UNC5C: variants seen among roughly 807,000 people sequenced by gnomAD.
UNC5C encodes unc-5 netrin receptor C, also known as netrin receptor UNC5C.
In UNC5C, 47 loss-of-function variants were observed where a neutral mutation model predicts 99.8. The ratio of observed to expected loss-of-function variants is 0.47; its 90% confidence interval spans 0.37 to 0.60. The LOEUF is 0.60. Ranked by LOEUF, UNC5C falls within the 20% of genes least tolerant of loss-of-function variation. UNC5C has a pLI of 0.00. For synonymous variants in UNC5C, 487 were observed against 452.2 expected, an observed-to-expected ratio of 1.08 and a Z score of -0.98; for missense variants, 1,062 against 1,165.9, an observed-to-expected ratio of 0.91 and a Z score of 1.30.
chr4:95,532,169 C>T (rs1722663060), intron 1 of UNC5C, among the ~76,000 whole-genome samples: 1 of 152,044 alleles, frequency 6.6e-6, no homozygotes, highest in South Asian at 2.1e-4. Flanking sequence ...GTTAATAGTC[C>T]CAAATCACAG....
chr4:95,187,790 A>C (rs563992193), intron 12 of UNC5C, among the ~76,000 whole-genome samples: 1 of 152,304 alleles, frequency 6.6e-6, no homozygotes, highest in Admixed American at 6.5e-5. Context: ...CCATAGACTT[A>C]AGCTCGCCAT....
intron 7 of UNC5C, among the ~76,000 whole-genome samples, chr4:95,227,534 G>A (rs1738745824): frequency 6.6e-6 from 1 of 152,136 alleles, no homozygotes; most frequent in Non-Finnish European, 1.5e-5. Flanking sequence ...AAGGAGATTC[G>A]ATATGGAGAA....
intron 7 of UNC5C, among the ~76,000 whole-genome samples, chr4:95,238,352 A>T (rs1399537158): frequency 6.6e-6 from 1 of 152,142 alleles, no homozygotes; most frequent in Admixed American, 6.5e-5. Context: ...TTATGTGTGT[A>T]CTCAAGTCTT....
rs189304881 is a variant in UNC5C, at chr4:95,202,466, G to A, written c.2136+265C>T. 3.9e-5 allele frequency among the ~76,000 whole-genome samples: 6 copies of A among 152,316 alleles called. No individual in the cohort carries two copies. The East Asian group carries it at 7.7e-4, about 20-fold the overall frequency. On this transcript the variant is annotated intron_variant, in intron 12 of 15. Transcript: ENST00000453304. ...AGATTATTTACCATCCACGGGTCTC[G>A]TTGCCAAATTCTTCTAAATTTTTCA...
chr4:95,491,176 T>G (rs1446663892), intron 1 of UNC5C, among the ~76,000 whole-genome samples: 1 of 151,594 alleles, frequency 6.6e-6, no homozygotes, highest in East Asian at 1.9e-4. Flanking sequence ...GAACTTTGCA[T>G]GACACAAGTA....
At chr4:95,253,613 C>A (rs1739838821) in intron 4 of UNC5C, among the ~76,000 whole-genome samples, 1 of 152,134 alleles carries the variant, frequency 6.6e-6, no homozygotes, top group Non-Finnish European at 1.5e-5. Context: ...GTTTTCCATA[C>A]TGGATTTGCT....
intron 1 of UNC5C, among the ~76,000 whole-genome samples, chr4:95,532,908 T>TAAA (rs201644746): frequency 0.014 from 1,952 of 136,810 alleles, 42 homozygotes; most frequent in East Asian, 0.044. Flanking sequence ...TTAGTAAAGC[T>TAAA]AAAAAAAAAA....
chr4:95,216,688 T>A (rs554656105), intron 9 of UNC5C, among the ~76,000 whole-genome samples: 1 of 152,344 alleles, frequency 6.6e-6, no homozygotes, highest in South Asian at 2.1e-4. Flanking sequence ...AGACCTTTTA[T>A]TATACATAAC....
At chr4:95,547,198 G>A (rs1723092879) in intron 1 of UNC5C, among the ~76,000 whole-genome samples, 1 of 152,066 alleles carries the variant, frequency 6.6e-6, no homozygotes, top group South Asian at 2.1e-4. Context: ...AAGAAAACCA[G>A]AGCAGAACCT....
rs529151682 is a variant in UNC5C at position 95,220,270 on chromosome 4, C to CT, written c.1109-95dup. On this transcript the variant is annotated intron_variant, in intron 7 of 15. Coordinates refer to ENST00000453304, the MANE Select transcript of UNC5C (RefSeq NM_003728.4). ...TATAATTTTTTCAGACATTTACTGC[C>CT]TTTTTTATAGGTTAATTTCAAATCT... 657 of 1,164,778 alleles carry CT rather than the reference C, an allele frequency of 5.6e-4. 5 individuals are homozygous for CT. The African/African-American group carries it at 8.2e-3, about 15-fold the overall frequency. 72.2% of individuals were successfully genotyped at this position (1,164,778 alleles called of 1,614,324 possible). A position where few individuals can be genotyped will look rare whatever the true frequency, so the allele number is the denominator to read the frequency against.
chr4:95,515,580 A>G (rs1328669616), intron 1 of UNC5C, among the ~76,000 whole-genome samples: 2 of 152,216 alleles, frequency 1.3e-5, no homozygotes, highest in African/African-American at 4.8e-5. Context: ...ATTTTCCCTT[A>G]TGTTAGAGAG....
intron 1 of UNC5C, among the ~76,000 whole-genome samples, chr4:95,388,249 A>G (rs549046448): frequency 8.3e-4 from 126 of 152,306 alleles, no homozygotes; most frequent in African/African-American, 3.0e-3. Context: ...CACAATGTTT[A>G]TCTTTGCTAT....
chr4:95,458,300 C>A (rs548727724), intron 1 of UNC5C, among the ~76,000 whole-genome samples: 5 of 151,852 alleles, frequency 3.3e-5, no homozygotes, highest in Non-Finnish European at 7.4e-5. Context: ...GAGATAAAAA[C>A]AGGGTTTGGA....
chr4:95,538,996 CAT>C (rs1332271883), intron 1 of UNC5C, among the ~76,000 whole-genome samples: 2 of 152,110 alleles, frequency 1.3e-5, no homozygotes, highest in African/African-American at 4.8e-5. Context: ...GAAAATCAAA[CAT>C]AACTCCATTT....
intron 3 of UNC5C, among the ~76,000 whole-genome samples, chr4:95,300,848 A>G (rs1423742263): frequency 6.6e-6 from 1 of 152,212 alleles, no homozygotes; most frequent in Non-Finnish European, 1.5e-5. Flanking sequence ...GAGTACAGAA[A>G]AATAGAAGGA....
chr4:95,293,400 T>C (rs1006590907), intron 3 of UNC5C, among the ~76,000 whole-genome samples: 4 of 140,140 alleles, frequency 2.9e-5, no homozygotes, highest in Non-Finnish European at 4.6e-5. Flanking sequence ...CCTCCTGAGC[T>C]CAAGGGATCC....
At chr4:95,414,216 T>TCC (rs112065562) in intron 1 of UNC5C, among the ~76,000 whole-genome samples, 9,358 of 146,360 alleles carry the variant, frequency 0.064, 363 homozygotes, top group East Asian at 0.18. Flanking sequence ...TTTCCCCACC[T>TCC]CCCCCCCACA....
chr4:95,196,145 G>C (rs975631343), intron 12 of UNC5C, among the ~76,000 whole-genome samples: 5 of 151,998 alleles, frequency 3.3e-5, no homozygotes, highest in African/African-American at 1.2e-4. Context: ...GTTTCTCCTA[G>C]GTGTTTTTAA....
chr4:95,536,080 A>ATT (rs1395900631), intron 1 of UNC5C, among the ~76,000 whole-genome samples: 26 of 63,782 alleles, frequency 4.1e-4, no homozygotes, highest in East Asian at 1.0e-3. Flanking sequence ...ATATATATAT[A>ATT]TATTTTTTTT....
Sources: gnomAD v4.1 joint callset for allele counts (sites outside exome capture counted in the v4.1 genomes callset) on GRCh38, gnomAD v4.1.1 for gene constraint, MANE v1.5 for transcripts, NCBI Gene and HGNC (gene_info 2026-07-23, HGNC 2026-07-21) for gene names.